STIM2: variants seen among roughly 807,000 people sequenced by gnomAD.
STIM2 encodes stromal interaction molecule 2.
Under a neutral mutation model 85.8 loss-of-function variants are expected in STIM2, and 31 were observed. That is an observed-to-expected ratio of 0.36 (90% CI 0.27 to 0.49). The LOEUF is 0.49. Ranked by LOEUF, STIM2 falls within the 20% of genes least tolerant of loss-of-function variation. The pLI, the probability that STIM2 is intolerant of heterozygous loss-of-function variation, is 0.98. For synonymous variants in STIM2, 356 were observed against 331.1 expected (o/e 1.08, Z -0.82); for missense variants, 841 against 927.6 (o/e 0.91, Z 1.21).
At chr4:26,894,099 G>T (rs1405960806) in intron 1 of STIM2, among the ~76,000 whole-genome samples, 1 of 152,172 alleles carries the variant, frequency 6.6e-6, no homozygotes, top group East Asian at 1.9e-4. Context: ...ATCTTGGCCA[G>T]ACTGGGCTGG....
intron 1 of STIM2, among the ~76,000 whole-genome samples, chr4:26,901,924 G>T (rs1002497267): frequency 6.6e-6 from 1 of 152,156 alleles, no homozygotes; most frequent in African/African-American, 2.4e-5. Context: ...ATGTTATTAA[G>T]AGTGCAGAGT....
chr4:26,920,878 C>G (rs944165502), intron 2 of STIM2, among the ~76,000 whole-genome samples: 6 of 152,146 alleles, frequency 3.9e-5, no homozygotes, highest in Non-Finnish European at 8.8e-5. Flanking sequence ...ACCTCTGGAC[C>G]TATTTCTCGA....
At chr4:26,992,702 G>A (rs1251182199) in intron 3 of STIM2, among the ~76,000 whole-genome samples, 1 of 152,048 alleles carries the variant, frequency 6.6e-6, no homozygotes, top group Non-Finnish European at 1.5e-5. Context: ...GACATAGTAT[G>A]ATCTGTCCTA....
At chr4:26,996,517 A>C (rs1727965736) in intron 4 of STIM2, among the ~76,000 whole-genome samples, 1 of 152,032 alleles carries the variant, frequency 6.6e-6, no homozygotes, top group Non-Finnish European at 1.5e-5. Flanking sequence ...TATTTTGATC[A>C]AGTTGAAAGT....
chr4:26,981,088 G>C (rs1463505594), intron 3 of STIM2, among the ~76,000 whole-genome samples: 1 of 152,138 alleles, frequency 6.6e-6, no homozygotes, highest in Non-Finnish European at 1.5e-5. Flanking sequence ...AAATCCAAAA[G>C]TGAGTAAGAA....
intron 1 of STIM2, among the ~76,000 whole-genome samples, chr4:26,917,312 G>T (rs1248804979): frequency 2.0e-5 from 3 of 152,026 alleles, no homozygotes; most frequent in Non-Finnish European, 2.9e-5. Flanking sequence ...TATTTATCTT[G>T]TTAGGTTCAT....
chr4:26,905,012 A>G (rs1271529458), intron 1 of STIM2, among the ~76,000 whole-genome samples: 1 of 152,130 alleles, frequency 6.6e-6, no homozygotes, highest in East Asian at 1.9e-4. Context: ...GTGGGAGTTT[A>G]TGGAAGTTCT....
At chr4:26,942,274 T>G (rs1177484289) in intron 2 of STIM2, among the ~76,000 whole-genome samples, 1 of 152,186 alleles carries the variant, frequency 6.6e-6, no homozygotes, top group African/African-American at 2.4e-5. Flanking sequence ...TCTCATCCCC[T>G]ATCCCTACTC....
intron 3 of STIM2, among the ~76,000 whole-genome samples, chr4:26,990,103 A>G (rs1217720170): frequency 1.3e-5 from 2 of 151,892 alleles, no homozygotes; most frequent in African/African-American, 4.8e-5. Context: ...AGAAAAAAAA[A>G]TCCTAAAATT....
At chr4:26,868,359 A>G (rs1722481850) in intron 1 of STIM2, among the ~76,000 whole-genome samples, 1 of 151,942 alleles carries the variant, frequency 6.6e-6, no homozygotes, top group South Asian at 2.1e-4. Context: ...AGTCATTTTC[A>G]TTTTCTCTAC....
chr4:27,017,776 A>T lies in STIM2; in HGVS notation c.1555A>T (p.Ile519Phe). Reference sequence around the variant, plus strand: ...CAGCCTGTGCCGTTCACGCCGCAGCATTGTGCCGTCCTCGCCTCAGCCTCA... The same window carrying T: ...CAGCCTGTGCCGTTCACGCCGCAGCTTTGTGCCGTCCTCGCCTCAGCCTCA... Residue 519 changes from isoleucine (I) to phenylalanine (F), a missense_variant, in exon 11 of 12, where the codon ATT becomes TTT. Ile to Phe is a conservative substitution (Grantham distance 21). Coordinates refer to ENST00000467087, the MANE Select transcript of STIM2 (RefSeq NM_020860.4). The T allele has an allele frequency of 1.2e-6, 2 of 1,614,100 alleles. No individual in the cohort carries two copies. The highest frequency in any genetic ancestry group is 2.2e-5 in the South Asian group (2 of 91,068).
intron 10 of STIM2, among the ~76,000 whole-genome samples, chr4:27,014,258 C>A (rs1728658118): frequency 6.6e-6 from 1 of 151,768 alleles, no homozygotes; most frequent in African/African-American, 2.4e-5. Flanking sequence ...TATTTATACA[C>A]CTCCCACATG....
chr4:26,928,852 T>C (rs1293429162), intron 2 of STIM2, among the ~76,000 whole-genome samples: 2 of 152,230 alleles, frequency 1.3e-5, no homozygotes, highest in Non-Finnish European at 2.9e-5. Context: ...AAGTAGAGCT[T>C]AGAATTCTTT....
intron 3 of STIM2, among the ~76,000 whole-genome samples, chr4:26,983,004 T>C (rs955262673): frequency 1.3e-5 from 2 of 152,236 alleles, no homozygotes; most frequent in African/African-American, 4.8e-5. Flanking sequence ...GCCTGCCTTA[T>C]GTGGGCCTCG....
At chr4:26,875,850 G>A (rs892932684) in intron 1 of STIM2, among the ~76,000 whole-genome samples, 1 of 152,124 alleles carries the variant, frequency 6.6e-6, no homozygotes, top group African/African-American at 2.4e-5. Flanking sequence ...ATTTATATTC[G>A]CTAAAAGAAA....
chr4:26,958,153 A>G (rs529506726), intron 3 of STIM2, among the ~76,000 whole-genome samples: 21 of 152,276 alleles, frequency 1.4e-4, no homozygotes, highest in African/African-American at 5.1e-4. Flanking sequence ...GATGTCTCGT[A>G]ATAGGTGTAT....
At chr4:26,879,104 G>C (rs931026788) in intron 1 of STIM2, among the ~76,000 whole-genome samples, 4 of 151,302 alleles carry the variant, frequency 2.6e-5, no homozygotes, top group Admixed American at 2.6e-4. Flanking sequence ...CATTCAGATT[G>C]ACTCATCAGC....
chr4:27,021,187 T>A, intron 11 of STIM2: 1 of 830,646 alleles, frequency 1.2e-6, no homozygotes, highest in Non-Finnish European at 1.9e-6. Flanking sequence ...AACTTGCCAC[T>A]CTTCTAGTGC....
At chr4:26,878,644 A>G (rs1722896083) in intron 1 of STIM2, among the ~76,000 whole-genome samples, 1 of 151,972 alleles carries the variant, frequency 6.6e-6, no homozygotes, top group South Asian at 2.1e-4. Flanking sequence ...ACTGACTTGT[A>G]TTCCCCATCT....
Sources: allele counts gnomAD v4.1 joint callset (sites outside exome capture counted in the v4.1 genomes callset), GRCh38; gene constraint gnomAD v4.1.1; transcripts MANE v1.5; gene names NCBI Gene and HGNC (gene_info 2026-07-23, HGNC 2026-07-21).